The following TTC23 variants were observed in gnomAD, a reference collection of about 807,000 sequenced individuals.
TTC23 encodes the protein tetratricopeptide repeat protein 23.
In TTC23, 58 loss-of-function variants were observed where a neutral mutation model predicts 55.1. That is an observed-to-expected ratio of 1.05 (90% CI 0.85 to 1.31). TTC23 has a LOEUF of 1.31. Ranked by LOEUF, TTC23 falls within the 50% of genes most tolerant of loss-of-function variation. The probability of loss-of-function intolerance (pLI) is 0.00; values close to 1 mark genes in which losing one functional copy is unlikely to be tolerated. For synonymous variants in TTC23, 203 were observed against 199.9 expected (o/e 1.02, Z -0.13); for missense variants, 516 against 534.4 (o/e 0.97, Z 0.34).
At chr15:99,237,408 T>C (rs2079412746) in intron 3 of TTC23, among the ~76,000 whole-genome samples, 1 of 152,116 alleles carries the variant, frequency 6.6e-6, no homozygotes, top group Non-Finnish European at 1.5e-5. Flanking sequence ...TGTCTATAAA[T>C]GGGTAAATGG....
chr15:99,212,171 C>G (rs1213850400), intron 8 of TTC23, among the ~76,000 whole-genome samples: 1 of 152,044 alleles, frequency 6.6e-6, no homozygotes, highest in Non-Finnish European at 1.5e-5. Flanking sequence ...GTCAAGCAGT[C>G]AGAGAGAGCT....
At chr15:99,247,429 A>G (rs1001404899) in intron 1 of TTC23, among the ~76,000 whole-genome samples, 4 of 152,230 alleles carry the variant, frequency 2.6e-5, no homozygotes, top group African/African-American at 9.6e-5. Flanking sequence ...TACAATTACA[A>G]TTAGTACAAT....
At chr15:99,179,628 G>A (rs150912760) in intron 9 of TTC23, among the ~76,000 whole-genome samples, 1 of 152,338 alleles carries the variant, frequency 6.6e-6, no homozygotes, top group East Asian at 1.9e-4. Context: ...CAAACACCAT[G>A]GCACCATTGA....
intron 10 of TTC23, among the ~76,000 whole-genome samples, chr15:99,166,171 C>T (rs2072050329): frequency 6.6e-6 from 1 of 152,186 alleles, no homozygotes; most frequent in Non-Finnish European, 1.5e-5. Context: ...GGGGGCATTT[C>T]CCTGCCCTCT....
At chr15:99,181,645 C>T (rs545360826) in intron 9 of TTC23, among the ~76,000 whole-genome samples, 1 of 152,296 alleles carries the variant, frequency 6.6e-6, no homozygotes, top group African/African-American at 2.4e-5. Flanking sequence ...TTACGTAAGA[C>T]AGGGTCACGT....
chr15:99,172,838 T>C (rs2073113039), intron 10 of TTC23, among the ~76,000 whole-genome samples: 1 of 152,252 alleles, frequency 6.6e-6, no homozygotes, highest in South Asian at 2.1e-4. Context: ...TCATTTTCAA[T>C]TTAAGAGAAG....
At chr15:99,154,969 A>C (rs2070339207) in intron 12 of TTC23, among the ~76,000 whole-genome samples, 2 of 152,248 alleles carry the variant, frequency 1.3e-5, no homozygotes, top group African/African-American at 4.8e-5. Flanking sequence ...AGTTAGACAA[A>C]AGAAATAAAT....
intron 8 of TTC23, among the ~76,000 whole-genome samples, chr15:99,206,742 T>C (rs1351749386): frequency 6.6e-6 from 1 of 152,164 alleles, no homozygotes; most frequent in Non-Finnish European, 1.5e-5. Context: ...ATTTCGTTTA[T>C]CTTTTCAAAA....
chr15:99,168,467 C>T (rs181111761), intron 10 of TTC23, among the ~76,000 whole-genome samples: 13 of 152,306 alleles, frequency 8.5e-5, no homozygotes, highest in African/African-American at 2.9e-4. Flanking sequence ...GATGTAGATG[C>T]GTTTTCCATA....
intron 9 of TTC23, among the ~76,000 whole-genome samples, chr15:99,182,749 A>G (rs767493632): frequency 6.6e-6 from 1 of 151,992 alleles, no homozygotes; most frequent in Non-Finnish European, 1.5e-5. Flanking sequence ...CTGGTGGCAT[A>G]TATTTGACCT....
At position 99,241,573 on chromosome 15, in the gene TTC23, T is replaced by C. The variant is rs1389599555; in HGVS notation, c.-308-14A>G. The C allele has an allele frequency of 1.6e-4, 24 of 152,374 alleles. No homozygotes were observed. Among genetic ancestry groups the C allele is most frequent in the Admixed American group, 1.5e-3 (23 of 15,294 alleles). 9.4% of individuals were successfully genotyped at this position (152,374 alleles called of 1,614,324 possible). On this transcript the variant is annotated splice_polypyrimidine_tract_variant and intron_variant, in intron 2 of 13. Transcript: ENST00000394132. ...CTTCTGCCAGACCTGCCCAGTAGAA[T>C]GTTAAAGCACATAATCAGCCCCAGA...
chr15:99,212,869 C>T (rs2077152480), intron 8 of TTC23, among the ~76,000 whole-genome samples: 1 of 151,392 alleles, frequency 6.6e-6, no homozygotes, highest in Admixed American at 6.6e-5. Flanking sequence ...CCTGTAGTCC[C>T]AGCTAGTCAA....
At chr15:99,168,920 C>A (rs921231610) in intron 10 of TTC23, among the ~76,000 whole-genome samples, 14 of 152,170 alleles carry the variant, frequency 9.2e-5, no homozygotes, top group African/African-American at 3.4e-4. Context: ...AAGTGGGTAG[C>A]ACCTGGGTTC....
intron 12 of TTC23, among the ~76,000 whole-genome samples, chr15:99,143,103 T>C (rs2068436200): frequency 6.6e-6 from 1 of 152,134 alleles, no homozygotes; most frequent in African/African-American, 2.4e-5. Context: ...CCCTCACTAA[T>C]CCCTTGTGTG....
intron 5 of TTC23, among the ~76,000 whole-genome samples, chr15:99,223,409 C>G (rs1483492639): frequency 2.0e-5 from 3 of 152,100 alleles, no homozygotes; most frequent in African/African-American, 7.2e-5. Flanking sequence ...GAAAAGACAC[C>G]AGGGATGGGC....
rs2067629671 is a variant in TTC23 at position 99,136,833 on chromosome 15, T to C, written c.*1177A>G. On this transcript the variant is annotated 3_prime_UTR_variant, in exon 14 of 14. Transcript: ENST00000394132. ...GACCAGTGTGTACCAGCAAGCATGG[T>C]CTGTGGGGTCAGCTGTCACGCTCCT... is the stretch of plus-strand genomic sequence containing the variant. The C allele has an allele frequency of 1.3e-5, 2 of 152,250 alleles. No homozygotes were observed. Among genetic ancestry groups the C allele is most frequent in the African/African-American group, 4.8e-5 (2 of 41,432 alleles). The allele number at this position is 152,250 out of a possible 1,614,324, so 9.4% of individuals were successfully genotyped here. A position where few individuals can be genotyped will look rare whatever the true frequency, so the allele number is the denominator to read the frequency against.
chr15:99,198,597 T>C (rs1331022434), intron 9 of TTC23, among the ~76,000 whole-genome samples: 18 of 152,228 alleles, frequency 1.2e-4, no homozygotes, highest in Admixed American at 1.2e-3. Context: ...AGTATTGGTT[T>C]TGAATGTGAG....
At chr15:99,166,859 A>C (rs12594960) in intron 10 of TTC23, among the ~76,000 whole-genome samples, 1 of 151,978 alleles carries the variant, frequency 6.6e-6, no homozygotes. Flanking sequence ...GGACCCCTGT[A>C]TATTAGAATG....
chr15:99,193,414 G>T (rs529365233), intron 9 of TTC23, among the ~76,000 whole-genome samples: 20 of 152,240 alleles, frequency 1.3e-4, no homozygotes, highest in African/African-American at 4.8e-4. Flanking sequence ...CTGTTCTTGT[G>T]ATAGTGAGTA....
Sources: allele counts gnomAD v4.1 joint callset (sites outside exome capture counted in the v4.1 genomes callset), GRCh38; gene constraint gnomAD v4.1.1; transcripts MANE v1.5; gene names NCBI Gene and HGNC (gene_info 2026-07-23, HGNC 2026-07-21).